The following GRM1 variants were observed in gnomAD, a reference collection of about 807,000 sequenced individuals.
The protein encoded by GRM1 is glutamate metabotropic receptor 1.
Under a neutral mutation model 90.9 loss-of-function variants are expected in GRM1, and 33 were observed. The ratio of observed to expected loss-of-function variants is 0.36; its 90% CI spans 0.28 to 0.49. The LOEUF (loss-of-function observed/expected upper bound fraction) is 0.49. Among genes scored for constraint, GRM1 ranks in the 20% least tolerant of loss-of-function variants. GRM1 has a pLI of 0.99. For synonymous variants in GRM1, 700 were observed against 613.2 expected (o/e 1.14, Z -2.09); for missense variants, 1,190 against 1,534.3 (o/e 0.78, Z 3.75).
chr6:146,172,241 T>C (rs1389873229), intron 2 of GRM1, among the ~76,000 whole-genome samples: 1 of 152,186 alleles, frequency 6.6e-6, no homozygotes, highest in Non-Finnish European at 1.5e-5. Flanking sequence ...TCTTCCTCTA[T>C]TTTCAAGCCA....
At chr6:146,265,634 T>G (rs1781856398) in intron 2 of GRM1, among the ~76,000 whole-genome samples, 1 of 152,136 alleles carries the variant, frequency 6.6e-6, no homozygotes, top group Non-Finnish European at 1.5e-5. Flanking sequence ...TTTTCCTGGG[T>G]TTTCTTGTAG....
chr6:146,366,650 T>C (rs1433278883), intron 5 of GRM1, among the ~76,000 whole-genome samples: 2 of 152,196 alleles, frequency 1.3e-5, no homozygotes, highest in African/African-American at 2.4e-5. Flanking sequence ...CTCATTCATG[T>C]TTCTGCAAAT....
At chr6:146,155,890 A>G (rs1777510927) in intron 1 of GRM1, among the ~76,000 whole-genome samples, 1 of 152,174 alleles carries the variant, frequency 6.6e-6, no homozygotes, top group Non-Finnish European at 1.5e-5. Context: ...AGCTTTCTGT[A>G]AAGGAGTGAC....
chr6:146,283,406 C>T (rs548246463), intron 2 of GRM1, among the ~76,000 whole-genome samples: 12 of 152,188 alleles, frequency 7.9e-5, no homozygotes, highest in East Asian at 3.9e-4. Flanking sequence ...AGGAAAACAT[C>T]GGGTAGTCCT....
At chr6:146,301,428 T>G (rs566789343) in intron 2 of GRM1, among the ~76,000 whole-genome samples, 4 of 152,230 alleles carry the variant, frequency 2.6e-5, no homozygotes, top group African/African-American at 9.6e-5. Flanking sequence ...CTTCTAGAAT[T>G]GACACAAAGC....
chr6:146,067,229 G>A (rs1211855883), intron 1 of GRM1, among the ~76,000 whole-genome samples: 2 of 152,158 alleles, frequency 1.3e-5, no homozygotes, highest in Non-Finnish European at 2.9e-5. Flanking sequence ...AAGAAAGGCT[G>A]TATTCCTTAG....
upstream of GRM1, among the ~76,000 whole-genome samples, chr6:146,028,324 T>A (rs1317534209): frequency 2.0e-5 from 3 of 148,744 alleles, 1 homozygote; most frequent in South Asian, 4.3e-4. Context: ...GCAAAGCGGG[T>A]CAGGGAATTG....
intron 2 of GRM1, among the ~76,000 whole-genome samples, chr6:146,269,877 A>G (rs1388697621): frequency 1.3e-5 from 2 of 152,110 alleles, no homozygotes; most frequent in Admixed American, 6.5e-5. Context: ...AATGACCAGG[A>G]TGGTGAGCAA....
Position 146,285,774 on chromosome 6 carries a change from T to C in GRM1, c.951-18837T>C, listed in dbSNP as rs186700203. On this transcript the variant is annotated intron_variant, in intron 2 of 7. Transcript: ENST00000282753. ...CACATAGGTATATAGTTAGACATTT[T>C]TATTAGGTTTCTCCTGCTGTTTATT... Among the ~76,000 whole-genome samples, 15 of 152,302 alleles carry C rather than the reference T, an allele frequency of 9.8e-5. No individual in the cohort carries two copies. In the East Asian group the frequency reaches 2.3e-3, roughly 24 times the overall value.
intron 3 of GRM1, among the ~76,000 whole-genome samples, chr6:146,317,882 G>GAAGGGTATCTAATATATGGGAAC (rs1392334672): frequency 1.3e-5 from 2 of 152,204 alleles, no homozygotes; most frequent in African/African-American, 4.8e-5. Flanking sequence ...CATCTCAGGG[G>GAAGGGTATCTAATATATGGGAAC]AAGGGTATCT....
intron 1 of GRM1, among the ~76,000 whole-genome samples, chr6:146,095,182 A>G (rs929445130): frequency 6.6e-6 from 1 of 152,114 alleles, no homozygotes; most frequent in Non-Finnish European, 1.5e-5. Context: ...GCATCACCCA[A>G]AGACAACCGA....
chr6:146,332,166 A>G (rs895711015), intron 3 of GRM1, among the ~76,000 whole-genome samples: 4 of 152,154 alleles, frequency 2.6e-5, no homozygotes, highest in African/African-American at 4.8e-5. Context: ...GTATCTGCCA[A>G]TGAGAGTTGT....
rs184728790 is a variant in GRM1 at position 146,108,378 on chromosome 6, G to T, written c.701-50970G>T. 3.3e-3 allele frequency among the ~76,000 whole-genome samples: 504 copies of T among 152,204 alleles called. 3 individuals carry two copies. Among genetic ancestry groups the T allele is most frequent in the African/African-American group, 0.012 (486 of 41,526 alleles). ...GATGGGGGTGGGTCCTTCCCATGTT[G>T]TTCTCATGATAGTGAATAAGTCTTA... On this transcript the variant is annotated intron_variant, in intron 1 of 7. Coordinates refer to ENST00000282753, the MANE Select transcript of GRM1 (RefSeq NM_001278064.2).
In GRM1 at chr6:146,434,979, A is replaced by G; in HGVS notation, c.*183A>G. The stretch of plus-strand genomic sequence containing the variant: ...AGTAGGAAGAGAGGGAAGGACACCA[A>G]GCAAAAAATGTTCCAGGCCAGGATT... On this transcript the variant is annotated 3_prime_UTR_variant, in exon 8 of 8. Coordinates refer to ENST00000282753, the MANE Select transcript of GRM1 (RefSeq NM_001278064.2). The G allele has an allele frequency of 1.6e-6, 1 of 618,534 alleles. No individual in the cohort carries two copies. Among genetic ancestry groups the G allele is most frequent in the Non-Finnish European group, 2.9e-6 (1 of 350,620 alleles). The allele number at this position is 618,534 out of a possible 1,614,324, so 38.3% of individuals were successfully genotyped here.
chr6:146,117,754 AC>A (rs576758787), intron 1 of GRM1, among the ~76,000 whole-genome samples: 35 of 151,606 alleles, frequency 2.3e-4, no homozygotes, highest in Non-Finnish European at 4.1e-4. Context: ...CCTTTATAAG[AC>A]CCCCCCATTT....
intron 5 of GRM1, among the ~76,000 whole-genome samples, chr6:146,374,065 T>C (rs1348767085): frequency 6.6e-6 from 1 of 152,118 alleles, no homozygotes; most frequent in Non-Finnish European, 1.5e-5. Context: ...GGAGTTTTAT[T>C]AAGAAGAGAA....
intron 1 of GRM1, among the ~76,000 whole-genome samples, chr6:146,077,147 G>T (rs1159720650): frequency 6.6e-6 from 1 of 152,144 alleles, no homozygotes; most frequent in Non-Finnish European, 1.5e-5. Context: ...GCTACAGTAT[G>T]GAGTGATGGA....
At position 146,152,411 on chromosome 6, in the gene GRM1, T is replaced by A. The variant is rs1171099920; in HGVS notation, c.701-6937T>A. ...GGATGACGGTAGTTTTTATTTTTCA[T>A]GTAGCATATATGGCTCAGTACTGCT... is the stretch of plus-strand genomic sequence containing the variant. On this transcript the variant is annotated intron_variant, in intron 1 of 7. Coordinates refer to ENST00000282753, the MANE Select transcript of GRM1 (RefSeq NM_001278064.2). 3.3e-5 allele frequency among the ~76,000 whole-genome samples: 5 copies of A among 151,790 alleles called. No individual in the cohort carries two copies. The Admixed American group carries it at 3.3e-4, about 10-fold the overall frequency.
intron 2 of GRM1, among the ~76,000 whole-genome samples, chr6:146,192,979 T>C (rs1332581952): frequency 6.6e-6 from 1 of 152,062 alleles, no homozygotes; most frequent in African/African-American, 2.4e-5. Context: ...AGATTAAGGA[T>C]AGAGTTCATG....
Sources: allele counts gnomAD v4.1 joint callset (sites outside exome capture counted in the v4.1 genomes callset), GRCh38; gene constraint gnomAD v4.1.1; transcripts MANE v1.5; gene names NCBI Gene and HGNC (gene_info 2026-07-23, HGNC 2026-07-21).